The following SPATA6L variants were observed in gnomAD, a reference collection of about 807,000 sequenced individuals.
The protein encoded by SPATA6L is spermatogenesis associated 6 like.
In SPATA6L, 68 loss-of-function variants were observed where a neutral mutation model predicts 49.2. The observed-to-expected ratio is 1.38, with a 90% CI of 1.14 to 1.69. SPATA6L has a LOEUF of 1.69. SPATA6L is among the 40% of genes most tolerant of loss of function. The probability of loss-of-function intolerance (pLI) is 0.00; values close to 1 mark genes in which losing one functional copy is unlikely to be tolerated. For synonymous variants in SPATA6L, 198 were observed against 165.7 expected (o/e 1.19, Z -1.50); for missense variants, 668 against 464.3 (o/e 1.44, Z -4.03).
chr9:4,597,567 T>C (rs1428732512), downstream of SPATA6L, among the ~76,000 whole-genome samples: 1 of 152,202 alleles, frequency 6.6e-6, no homozygotes, highest in Non-Finnish European at 1.5e-5. Flanking sequence ...AAATTCCCTA[T>C]GTGAAATTAA....
At chr9:4,655,119 A>G (rs1400825199) in intron 3 of SPATA6L, among the ~76,000 whole-genome samples, 1 of 152,226 alleles carries the variant, frequency 6.6e-6, no homozygotes, top group Non-Finnish European at 1.5e-5. Flanking sequence ...ATTATTCATC[A>G]TAGCCTAAAA....
At chr9:4,627,182 T>A (rs561976317) in intron 5 of SPATA6L, 34 of 152,674 alleles carry the variant, frequency 2.2e-4, no homozygotes, top group African/African-American at 8.2e-4. Context: ...ATAAAACTAT[T>A]TGTTTAAAAA....
intron 2 of SPATA6L, among the ~76,000 whole-genome samples, chr9:4,658,992 A>G (rs1035286893): frequency 1.3e-5 from 2 of 151,124 alleles, no homozygotes; most frequent in African/African-American, 4.9e-5. Flanking sequence ...CAAATTCAAA[A>G]TTGATATAAC....
Position 4,618,855 on chromosome 9 carries a change from TA to T in SPATA6L, c.807+8del. 1.2e-6 allele frequency: 2 copies of T among 1,610,922 alleles called. No homozygotes were observed. Among genetic ancestry groups the T allele is most frequent in the Non-Finnish European group, 1.7e-6 (2 of 1,178,024 alleles). ...TAAATCATTTTACAAATTCTACTTC[TA>T]AAATTACCTTTACGTTAGCTGCAAG... On this transcript the variant is annotated splice_region_variant and intron_variant, in intron 8 of 11. Transcript: ENST00000682582.
chr9:4,604,416 T>C (rs191443101), intron 10 of SPATA6L, 147 bp from the exon 11 acceptor site: 2 of 497,164 alleles, frequency 4.0e-6, no homozygotes, highest in East Asian at 6.9e-5. Flanking sequence ...GTATATAGAA[T>C]CTTTCTTTTT....
At chr9:4,644,681 TCTCTCACACACACA>T (rs1834922328) in intron 3 of SPATA6L, among the ~76,000 whole-genome samples, 1 of 132,170 alleles carries the variant, frequency 7.6e-6, no homozygotes, top group African/African-American at 3.3e-5. Flanking sequence ...TCTCTCTCTC[TCTCTCACACACACA>T]CACACACACA....
intron 3 of SPATA6L, among the ~76,000 whole-genome samples, chr9:4,649,119 G>A (rs957835347): frequency 3.3e-5 from 5 of 151,620 alleles, no homozygotes; most frequent in Admixed American, 1.3e-4. Context: ...ATATCCACTC[G>A]TTGATTGATG....
intron 3 of SPATA6L, among the ~76,000 whole-genome samples, chr9:4,651,662 C>A (rs1271092461): frequency 1.3e-5 from 2 of 149,780 alleles, no homozygotes; most frequent in African/African-American, 4.9e-5. Context: ...GGTTTAATAT[C>A]TAAAAATCAC....
chr9:4,596,100 C>A (rs913958965), downstream of SPATA6L, among the ~76,000 whole-genome samples: 9 of 152,178 alleles, frequency 5.9e-5, no homozygotes, highest in Non-Finnish European at 1.0e-4. Flanking sequence ...GTTTGCAACA[C>A]CTTTTGGGAA....
chr9:4,599,779 C>T lies in SPATA6L; in HGVS notation c.*1032G>A, dbSNP rs766902262. Among the ~76,000 whole-genome samples, 16 of 152,308 alleles carry T rather than the reference C, an allele frequency of 1.1e-4. No homozygotes were observed. Among genetic ancestry groups the T allele is most frequent in the Admixed American group, 2.0e-4 (3 of 15,302 alleles). On this transcript the variant is annotated 3_prime_UTR_variant, in exon 12 of 12. Coordinates refer to ENST00000682582, the MANE Select transcript of SPATA6L (RefSeq NM_001353486.2). ...CACAACCTCATCACCTCCCAAAAGG[C>T]CCCATTTCCTTAGAGGTTAGGATTT...
chr9:4,618,055 A>G lies in SPATA6L; in HGVS notation c.863T>C (p.Leu288Ser). Residue 288 changes from leucine to serine, a missense_variant, in exon 9 of 12, where the codon TTA becomes TCA. Physicochemically the swap from Leu to Ser is moderately radical, Grantham distance 145. Transcript: ENST00000682582. ...AGACTTTCCAAACTGACTTGAATCT[A>G]AACATGATGATGAGTCACTCCTTAA... Reference protein sequence around the residue: ...IVLRSDSSSCLDSSQFGKSSS... With the variant: ...IVLRSDSSSCSDSSQFGKSSS... The G allele has an allele frequency of 6.2e-7, 1 of 1,614,030 alleles. No homozygotes were observed.
intron 9 of SPATA6L, among the ~76,000 whole-genome samples, chr9:4,615,696 A>AG (rs1827818055): frequency 6.6e-6 from 1 of 152,156 alleles, no homozygotes; most frequent in Non-Finnish European, 1.5e-5. Flanking sequence ...TTCAGTGACA[A>AG]GGGGGTATGT....
chr9:4,595,677 T>C (rs1822200898), downstream of SPATA6L, among the ~76,000 whole-genome samples: 1 of 152,228 alleles, frequency 6.6e-6, no homozygotes, highest in Admixed American at 6.5e-5. Context: ...TGAAAATAAG[T>C]TCTGGGCCTC....
At position 4,604,198 on chromosome 9, in the gene SPATA6L, A is replaced by G. The variant is rs375910874; in HGVS notation, c.1161T>C (p.His387=). ...PSYPLKKYSL[H]EQRYF ...CAGTACCTTAAAAATATCTCTGTTC[A>G]TGCAGTGAGTATTTCTTCAGAGGGT... The change falls in exon 11 of 12, where the codon CAT becomes CAC. Residue 387 remains histidine, a synonymous_variant. Transcript: ENST00000682582. 1 of 1,611,330 alleles carries G rather than the reference A, an allele frequency of 6.2e-7. No homozygotes were observed. The highest frequency in any genetic ancestry group is 8.5e-7 in the Non-Finnish European group (1 of 1,178,052).
intron 2 of SPATA6L, among the ~76,000 whole-genome samples, chr9:4,661,674 T>C (rs751310762): frequency 6.6e-6 from 1 of 152,130 alleles, no homozygotes; most frequent in Non-Finnish European, 1.5e-5. Context: ...GTTCCAAGAA[T>C]AGGAAACATC....
At position 4,666,339 on chromosome 9, in the gene SPATA6L, A is replaced by G; in HGVS notation, c.-89T>C. 7.2e-7 allele frequency: 1 copy of G among 1,387,818 alleles called. No homozygotes were observed. The allele number at this position is 1,387,818 out of a possible 1,614,324, so 86.0% of individuals were successfully genotyped here. A position where few individuals can be genotyped will look rare whatever the true frequency, so the allele number is the denominator to read the frequency against. On this transcript the variant is annotated 5_prime_UTR_variant, in exon 1 of 12. Transcript: ENST00000682582. Reference sequence around the variant, plus strand: ...TTTTTCTTAGTTTAGCTGAATACCTAGAGCAAATGTTCCCAGAAGCTTCCC... The same window carrying G: ...TTTTTCTTAGTTTAGCTGAATACCTGGAGCAAATGTTCCCAGAAGCTTCCC...
At chr9:4,646,880 G>C (rs1181588052) in intron 3 of SPATA6L, among the ~76,000 whole-genome samples, 1 of 152,078 alleles carries the variant, frequency 6.6e-6, no homozygotes, top group Admixed American at 6.6e-5. Flanking sequence ...AGAACTCATG[G>C]ACACACAGAG....
intron 3 of SPATA6L, among the ~76,000 whole-genome samples, chr9:4,645,749 C>A (rs1281624496): frequency 6.6e-6 from 1 of 152,022 alleles, no homozygotes; most frequent in Non-Finnish European, 1.5e-5. Context: ...TATAAAAGGC[C>A]ACATATTGTA....
chr9:4,621,048 A>G (rs1829183182), intron 7 of SPATA6L, among the ~76,000 whole-genome samples: 1 of 152,236 alleles, frequency 6.6e-6, no homozygotes, highest in South Asian at 2.1e-4. Context: ...ACTTAAAAGT[A>G]GTCCCTTAAA....
Sources: allele counts gnomAD v4.1 joint callset (sites outside exome capture counted in the v4.1 genomes callset), GRCh38; gene constraint gnomAD v4.1.1; transcripts MANE v1.5; gene names NCBI Gene and HGNC (gene_info 2026-07-23, HGNC 2026-07-21).